HTR1F: variants seen among roughly 807,000 people sequenced by gnomAD.
The protein encoded by HTR1F is 5-hydroxytryptamine receptor 1F, also known as 5-hydroxytryptamine (serotonin) receptor 1F, G protein-coupled.
In HTR1F, 17 loss-of-function variants were observed where a neutral mutation model predicts 24.0. The ratio of observed to expected loss-of-function variants is 0.71; its 90% CI spans 0.48 to 1.06. The LOEUF is 1.06. HTR1F is among the 50% of genes least tolerant of loss of function. The pLI is 0.00. For synonymous variants in HTR1F, 186 were observed against 156.8 expected, an observed-to-expected ratio of 1.19 and a Z score of -1.39; for missense variants, 391 against 427.8, an observed-to-expected ratio of 0.91 and a Z score of 0.76.
chr3:87,859,666 T>G (rs1503435), intron 2 of HTR1F, among the ~76,000 whole-genome samples: 9,058 of 152,280 alleles, frequency 0.059, 836 homozygotes, highest in African/African-American at 0.2. Flanking sequence ...TGAGGTTTCC[T>G]AGGCAGAGCC....
At chr3:87,801,131 C>A (rs1259143282) in intron 1 of HTR1F, among the ~76,000 whole-genome samples, 2 of 152,104 alleles carry the variant, frequency 1.3e-5, no homozygotes, top group East Asian at 3.9e-4. Flanking sequence ...ACAATGCCAA[C>A]TAATATTGAA....
At chr3:87,904,249 T>C (rs1198523395) in intron 2 of HTR1F, among the ~76,000 whole-genome samples, 1 of 152,060 alleles carries the variant, frequency 6.6e-6, no homozygotes, top group Non-Finnish European at 1.5e-5. Context: ...GACAAGGAAG[T>C]GGAAATCTTA....
At chr3:87,884,280 G>A (rs569445735) in intron 2 of HTR1F, among the ~76,000 whole-genome samples, 1 of 152,150 alleles carries the variant, frequency 6.6e-6, no homozygotes, top group Non-Finnish European at 1.5e-5. Flanking sequence ...ATCCTTTACG[G>A]ACAAGCAAAT....
At chr3:87,907,545 T>C (rs148443135) in intron 2 of HTR1F, among the ~76,000 whole-genome samples, 1 of 152,180 alleles carries the variant, frequency 6.6e-6, no homozygotes, top group African/African-American at 2.4e-5. Context: ...AAAATCATGT[T>C]CAGGCATAGA....
chr3:87,898,884 T>C (rs995485436), intron 2 of HTR1F, among the ~76,000 whole-genome samples: 2 of 152,154 alleles, frequency 1.3e-5, no homozygotes, highest in African/African-American at 4.8e-5. Context: ...GTTATACAAG[T>C]TATTTCTGAG....
rs1278316610 is a variant in HTR1F at position 87,990,910 on chromosome 3, T to C, written c.161T>C (p.Leu54Pro). ...VIAAIIVTRK[L>P]HHPANYLICS... is the part of the protein sequence containing the mutation. Reference sequence around the variant, plus strand: ...GCTGCAATTATTGTGACCCGGAAGCTGCACCATCCAGCCAATTATTTAATT... The same window carrying C: ...GCTGCAATTATTGTGACCCGGAAGCCGCACCATCCAGCCAATTATTTAATT... The change falls in exon 3 of 3, where the codon CTG becomes CCG. Residue 54 changes from leucine (L) to proline (P), a missense_variant. Coordinates refer to ENST00000319595, the MANE Select transcript of HTR1F (RefSeq NM_001322209.2). The C allele has an allele frequency of 1.9e-6, 3 of 1,614,174 alleles. No individual in the cohort carries two copies. Among genetic ancestry groups the C allele is most frequent in the Non-Finnish European group, 2.5e-6 (3 of 1,180,028 alleles).
At chr3:87,916,165 C>A (rs1703887284) in intron 2 of HTR1F, among the ~76,000 whole-genome samples, 1 of 151,878 alleles carries the variant, frequency 6.6e-6, no homozygotes. Context: ...AGAGAATTCG[C>A]CATTACCAAG....
chr3:87,867,024 T>G (rs947347656), intron 2 of HTR1F, among the ~76,000 whole-genome samples: 1 of 151,944 alleles, frequency 6.6e-6, no homozygotes, highest in African/African-American at 2.4e-5. Context: ...TGCAATATGA[T>G]GGTTGCAGAA....
At chr3:87,932,155 T>A (rs1345530691) in intron 2 of HTR1F, among the ~76,000 whole-genome samples, 2 of 152,184 alleles carry the variant, frequency 1.3e-5, no homozygotes, top group East Asian at 3.8e-4. Context: ...CTAGGTTTTC[T>A]TCTAGGGTTT....
intron 2 of HTR1F, among the ~76,000 whole-genome samples, chr3:87,907,867 T>A (rs1260904065): frequency 6.6e-6 from 1 of 151,986 alleles, no homozygotes; most frequent in Non-Finnish European, 1.5e-5. Flanking sequence ...ATAACATTTT[T>A]AACCAAAAGA....
chr3:87,931,125 G>A (rs1180314480), intron 2 of HTR1F, among the ~76,000 whole-genome samples: 1 of 149,290 alleles, frequency 6.7e-6, no homozygotes, highest in Non-Finnish European at 1.5e-5. Flanking sequence ...GTATACATGT[G>A]CCATGCTGGT....
intron 2 of HTR1F, among the ~76,000 whole-genome samples, chr3:87,962,870 C>T (rs1176588881): frequency 6.6e-6 from 1 of 151,928 alleles, no homozygotes; most frequent in African/African-American, 2.4e-5. Flanking sequence ...GACAACCTTC[C>T]CCTCACCAGA....
intron 2 of HTR1F, among the ~76,000 whole-genome samples, chr3:87,943,462 CCT>C (rs568464619): frequency 3.3e-5 from 5 of 152,144 alleles, no homozygotes; most frequent in Middle Eastern, 3.4e-3. Context: ...GCCAAATTCT[CCT>C]CTCTCACTGC....
At chr3:87,834,291 G>A (rs1365148258) in intron 2 of HTR1F, among the ~76,000 whole-genome samples, 2 of 152,082 alleles carry the variant, frequency 1.3e-5, no homozygotes, top group African/African-American at 4.8e-5. Flanking sequence ...ATGTATATGT[G>A]TATGTTTATG....
chr3:87,902,811 A>T (rs992853183), intron 2 of HTR1F, among the ~76,000 whole-genome samples: 1 of 132,668 alleles, frequency 7.5e-6, no homozygotes, highest in African/African-American at 2.9e-5. Context: ...ATGTGTTCTC[A>T]TTGTTCAATT....
chr3:87,915,357 C>A (rs543097343), intron 2 of HTR1F, among the ~76,000 whole-genome samples: 3 of 152,192 alleles, frequency 2.0e-5, no homozygotes, highest in African/African-American at 7.2e-5. Flanking sequence ...GGAAGAAACC[C>A]CTGAATTACC....
At chr3:87,841,769 G>A (rs1323566728) in intron 2 of HTR1F, among the ~76,000 whole-genome samples, 64 of 151,068 alleles carry the variant, frequency 4.2e-4, no homozygotes, top group Middle Eastern at 3.4e-3. Context: ...ACGTGGTGGC[G>A]CGCTCCTGTA....
At chr3:87,945,149 C>T (rs1704667127) in intron 2 of HTR1F, among the ~76,000 whole-genome samples, 1 of 151,950 alleles carries the variant, frequency 6.6e-6, no homozygotes, top group Admixed American at 6.6e-5. Flanking sequence ...CTCCCTCTCT[C>T]TCCTTCTCTT....
In HTR1F at chr3:87,954,119, TGTA is replaced by T. The variant is rs1443439761; in HGVS notation, c.-42-36586_-42-36584del. On this transcript the variant is annotated intron_variant, in intron 2 of 2. Transcript: ENST00000319595. ...GAATAGTCAGCTAAAAGGAGTAAGT[TGTA>T]GTGTTTGATAGCACAGTGAGATGAC... is the stretch of plus-strand genomic sequence containing the variant. Among the ~76,000 whole-genome samples the T allele has an allele frequency of 7.9e-5, 12 of 151,822 alleles. No homozygotes were observed. In the East Asian group the frequency reaches 2.3e-3, roughly 29 times the overall value.
Sources: allele counts gnomAD v4.1 joint callset (sites outside exome capture counted in the v4.1 genomes callset), GRCh38; gene constraint gnomAD v4.1.1; transcripts MANE v1.5; gene names NCBI Gene and HGNC (gene_info 2026-07-23, HGNC 2026-07-21).